Variants in MYH11 observed in about 807,000 individuals in gnomAD.
MYH11 encodes the protein myosin-11.
In MYH11, 80 loss-of-function variants were observed where a neutral mutation model predicts 246.6. That is an observed-to-expected ratio of 0.32 (90% CI 0.27 to 0.39). The LOEUF (loss-of-function observed/expected upper bound fraction) is 0.39. MYH11 is among the 10% of genes least tolerant of loss of function. The probability of loss-of-function intolerance (pLI) is 1.00; values close to 1 mark genes in which losing one functional copy is unlikely to be tolerated. For missense variants in MYH11, 2,158 were observed against 2,546.8 expected (o/e 0.85, Z 3.29); for synonymous variants, 1,071 against 1,015.5 (o/e 1.05, Z -1.04).
chr16:15,740,117 C>G lies in MYH11; in HGVS notation c.2931G>C (p.Glu977Asp). 1 of 1,614,228 alleles carries G rather than the reference C, an allele frequency of 6.2e-7. No homozygotes were observed. The highest frequency in any genetic ancestry group is 8.5e-7 in the Non-Finnish European group (1 of 1,180,034). Residue 977 changes from glutamate (E) to aspartate (D), a missense_variant, in exon 23 of 41, where the codon GAG (glutamate) becomes GAC (aspartate). Physicochemically the swap from Glu to Asp is conservative, Grantham distance 45. Transcript: ENST00000300036. The part of the protein sequence containing the change: ...QKLQLEKVTA[E>D]AKIKKLEDEI... ...CATCCTCCAGTTTCTTGATCTTGGC[C>G]TCAGCCGTGACCTTCTCAAGTTGCA... is the stretch of plus-strand genomic sequence containing the variant.
rs748813945 is a variant in MYH11 at position 15,724,355 on chromosome 16, C to T, written c.4171G>A (p.Glu1391Lys). 2 of 1,614,150 alleles carry T rather than the reference C, an allele frequency of 1.2e-6. No homozygotes were observed. The highest frequency in any genetic ancestry group is 1.1e-5 in the South Asian group (1 of 91,086). Residue 1391 changes from glutamate (E) to lysine (K), a missense_variant, in exon 31 of 41, where the codon GAA (glutamate) becomes AAA (lysine). Around this residue, in one of 11 missense-constraint regions of MYH11, gnomAD observed 1,013 missense variants for 993.5 expected, o/e 1.02. Coordinates refer to ENST00000300036, the MANE Select transcript of MYH11 (RefSeq NM_002474.3). ...TTCTGGAACCTCTTCTTCCCCTCTT[C>T]CAGAGCTTCCACGGTGCTGGCAAAG... The part of the protein sequence containing the change: ...QDFASTVEAL[E>K]EGKKRFQKEI...
intron 4 of MYH11, among the ~76,000 whole-genome samples, chr16:15,787,282 C>T (rs1392372986): frequency 6.6e-6 from 1 of 151,816 alleles, no homozygotes; most frequent in Non-Finnish European, 1.5e-5. Context: ...GTGGTGCATG[C>T]CTGTAGTCCC....
chr16:15,719,374 T>G, intron 35 of MYH11, 66 bp from the exon 36 acceptor site: 1 of 1,558,692 alleles, frequency 6.4e-7, no homozygotes, highest in Non-Finnish European at 8.7e-7. Context: ...GAGTCCACCC[T>G]GACAACTCAG....
rs1427414255 is a variant in MYH11, at chr16:15,853,840, T to C, written c.-18+3101A>G. Reference sequence around the variant, plus strand: ...CGGTTCGAGACCAGCCTGGCCAATATGGTGAAACCCCATCTCTACTAAAAA... The same window carrying C: ...CGGTTCGAGACCAGCCTGGCCAATACGGTGAAACCCCATCTCTACTAAAAA... On this transcript the variant is annotated intron_variant, in intron 1 of 40. Coordinates refer to ENST00000300036, the MANE Select transcript of MYH11 (RefSeq NM_002474.3). Among the ~76,000 whole-genome samples, 5 of 152,220 alleles carry C rather than the reference T, an allele frequency of 3.3e-5. No individual in the cohort carries two copies. In the South Asian group the frequency reaches 8.3e-4, roughly 25 times the overall value.
Position 15,763,823 on chromosome 16 carries a change from CTG to C in MYH11, c.1100_1101del (p.Thr367ArgfsTer8). 1 of 1,412,902 alleles carries C rather than the reference CTG, an allele frequency of 7.1e-7. No homozygotes were observed. Among genetic ancestry groups the C allele is most frequent in the Non-Finnish European group, 9.4e-7 (1 of 1,058,226 alleles). The allele number at this position is 1,412,902 out of a possible 1,614,324, so 87.5% of individuals were successfully genotyped here. A position where few individuals can be genotyped will look rare whatever the true frequency, so the allele number is the denominator to read the frequency against. ...GNIVFKKERN[T>X]DQASMPDNTA... ...GTGTTATCTGGCATGGACGCCTGGT[CTG>C]TGTTTCTTTCCTTCTTGAAGACGAT... On this transcript the variant is annotated frameshift_variant, in exon 10 of 41. Coordinates refer to ENST00000300036, the MANE Select transcript of MYH11 (RefSeq NM_002474.3). LOFTEE classifies it high-confidence loss of function.
intron 31 of MYH11, 24 bp from the exon 32 acceptor site, chr16:15,721,658 A>T (rs1317235821): frequency 6.2e-7 from 1 of 1,612,496 alleles, no homozygotes; most frequent in Admixed American, 1.7e-5. Flanking sequence ...CCCAGAGGTG[A>T]CTTCTAGGCA....
chr16:15,777,104 T>TAC (rs111888764), intron 7 of MYH11, among the ~76,000 whole-genome samples: 8,597 of 147,940 alleles, frequency 0.058, 697 homozygotes, highest in African/African-American at 0.19. Context: ...CACGCACACA[T>TAC]ACACACACAC....
intron 2 of MYH11, among the ~76,000 whole-genome samples, chr16:15,832,627 C>T (rs1291064559): frequency 6.6e-6 from 1 of 152,172 alleles, no homozygotes. Flanking sequence ...AAAATCACTC[C>T]TCTGTGTTAG....
rs770582589 is a variant in MYH11 at position 15,717,154 on chromosome 16, G to T, written c.5490C>A (p.Val1830=). The change falls in exon 38 of 41, where the codon GTC becomes GTA. Residue 1830 remains valine (V), a synonymous_variant. Transcript: ENST00000300036. ...CACCCGCATACCTGGCCTCCTGCTC[G>T]ACCTGCTCCTCCAGCTGTGCAATCT... ...EAKIAQLEEQ[V]EQEAREKQAA... 1.2e-6 allele frequency: 2 copies of T among 1,614,150 alleles called. No homozygotes were observed. The highest frequency in any genetic ancestry group is 1.7e-6 in the Non-Finnish European group (2 of 1,180,030).
chr16:15,813,684 A>G (rs2043191287), intron 3 of MYH11, among the ~76,000 whole-genome samples: 1 of 152,048 alleles, frequency 6.6e-6, no homozygotes, highest in Non-Finnish European at 1.5e-5. Context: ...ACTGTAAAAG[A>G]CTTTCCAAAA....
intron 4 of MYH11, chr16:15,790,978 A>G (rs1596844603): frequency 9.2e-6 from 1 of 108,660 alleles, no homozygotes; most frequent in Non-Finnish European, 1.8e-5. Flanking sequence ...TTTTTTTGAG[A>G]CTGACTCTTG....
At chr16:15,753,603 T>G in intron 14 of MYH11, 95 bp from the exon 15 acceptor site, 1 of 943,900 alleles carries the variant, frequency 1.1e-6, no homozygotes. Context: ...CTTCCAGATC[T>G]TCTGAGGTCA....
chr16:15,790,042 C>T (rs1444000504), intron 4 of MYH11, among the ~76,000 whole-genome samples: 5 of 152,256 alleles, frequency 3.3e-5, no homozygotes, highest in South Asian at 2.1e-4. Context: ...TGGTGGCTCA[C>T]GCCTGTCATC....
At chr16:15,830,005 CGT>C (rs2043690229) in intron 2 of MYH11, among the ~76,000 whole-genome samples, 2 of 152,102 alleles carry the variant, frequency 1.3e-5, no homozygotes, top group Non-Finnish European at 2.9e-5. Context: ...TGTGGTGGCG[CGT>C]GCCTGTAATC....
At chr16:15,709,602 A>G (rs1262053277) in intron 40 of MYH11, among the ~76,000 whole-genome samples, 1 of 152,216 alleles carries the variant, frequency 6.6e-6, no homozygotes, top group Non-Finnish European at 1.5e-5. Flanking sequence ...GGTGTGAGCC[A>G]CTGCACCCGG....
intron 3 of MYH11, among the ~76,000 whole-genome samples, chr16:15,809,984 C>T (rs1221762459): frequency 1.3e-5 from 2 of 152,066 alleles, no homozygotes; most frequent in African/African-American, 4.8e-5. Flanking sequence ...TTCAGGTTCA[C>T]TCCCTTAAGT....
intron 38 of MYH11, 23 bp downstream of exon 38, chr16:15,717,117 T>A (rs1567687284): frequency 6.2e-7 from 1 of 1,613,430 alleles, no homozygotes; most frequent in Non-Finnish European, 8.5e-7. Flanking sequence ...GCAAACTGGG[T>A]TCGGAACTCC....
chr16:15,735,978 A>G (rs1012411548), intron 25 of MYH11, among the ~76,000 whole-genome samples: 1 of 152,122 alleles, frequency 6.6e-6, no homozygotes, highest in African/African-American at 2.4e-5. Context: ...GTGACTGAGT[A>G]CCCGCCCCAT....
rs2041282044 is a variant in MYH11 at position 15,741,815 on chromosome 16, T to C, written c.2597A>G (p.Glu866Gly). ...CTCATTCTCTGCCTTCTGCTGCCGC[T>C]CCTTGGTCTTCTGCAGTTCATCCTC... ...AKEDELQKTKERQQKAENELK... is the reference protein window; with the variant it reads ...AKEDELQKTKGRQQKAENELK... The change falls in exon 21 of 41, where the codon GAG becomes GGG. Residue 866 changes from glutamate (E) to glycine (G), a missense_variant. Around this residue, in one of 11 missense-constraint regions of MYH11, gnomAD observed 90 missense variants for 144.2 expected, o/e 0.62. Transcript: ENST00000300036. The C allele has an allele frequency of 6.2e-7, 1 of 1,614,222 alleles. No homozygotes were observed. Among genetic ancestry groups the C allele is most frequent in the Admixed American group, 1.7e-5 (1 of 60,026 alleles).
Sources: gnomAD v4.1 joint callset for allele counts (sites outside exome capture counted in the v4.1 genomes callset) on GRCh38, gnomAD v4.1.1 for gene constraint, gnomAD v4.1.1 regional missense constraint, MANE v1.5 for transcripts, NCBI Gene and HGNC (gene_info 2026-07-23, HGNC 2026-07-21) for gene names.